The following LPIN1 variants were observed in gnomAD, a reference collection of about 807,000 sequenced individuals.
LPIN1 encodes phosphatidate phosphatase LPIN1.
LPIN1 carries 71 observed loss-of-function variants against 107.5 expected under a neutral mutation model. That is an observed-to-expected ratio of 0.66 (90% confidence interval 0.55 to 0.80). The LOEUF is 0.80. Among genes scored for constraint, LPIN1 ranks in the 30% least tolerant of loss-of-function variants. The pLI, the probability that LPIN1 is intolerant of heterozygous loss-of-function variation, is 0.00. For missense variants in LPIN1, 1,043 were observed against 1,160.6 expected (o/e 0.90, Z 1.47); for synonymous variants, 445 against 452.6 (o/e 0.98, Z 0.21).
intron 1 of LPIN1, among the ~76,000 whole-genome samples, chr2:11,679,114 A>T (rs766563476): frequency 6.6e-6 from 1 of 152,190 alleles, no homozygotes; most frequent in Non-Finnish European, 1.5e-5. Flanking sequence ...CTCTCTCGCC[A>T]GCCTGAGACG....
upstream of LPIN1, chr2:11,677,557 C>T (rs1383506645): frequency 1.0e-6 from 1 of 969,860 alleles, no homozygotes; most frequent in African/African-American, 1.6e-5. Flanking sequence ...GTCACCCAGC[C>T]CAGCCTCCCA....
intron 1 of LPIN1, among the ~76,000 whole-genome samples, chr2:11,680,825 C>T (rs1362090965): frequency 6.6e-6 from 1 of 152,138 alleles, no homozygotes; most frequent in African/African-American, 2.4e-5. Flanking sequence ...AGCAGGCAGT[C>T]ACGGGCCGAA....
At chr2:11,724,282 G>A, upstream of LPIN1, 2 of 914,602 alleles carry the variant, frequency 2.2e-6, no homozygotes, top group South Asian at 1.0e-4. Flanking sequence ...AGTCCCCGTG[G>A]GGGGCATCAG....
chr2:11,680,760 G>T (rs1204146890), intron 1 of LPIN1, among the ~76,000 whole-genome samples: 3 of 152,220 alleles, frequency 2.0e-5, no homozygotes, highest in South Asian at 2.1e-4. Flanking sequence ...TTTTTTCTTA[G>T]TTGGGGTGTG....
chr2:11,744,738 C>A (rs890615383), upstream of LPIN1, among the ~76,000 whole-genome samples: 1 of 152,232 alleles, frequency 6.6e-6, no homozygotes, highest in Non-Finnish European at 1.5e-5. Context: ...CAGGCCAGCT[C>A]CTCCCTGGAG....
intron 1 of LPIN1, chr2:11,740,929 C>G (rs1256462772): frequency 2.5e-5 from 4 of 157,320 alleles, no homozygotes; most frequent in Non-Finnish European, 4.2e-5. Flanking sequence ...CAAGCAGTGT[C>G]CAACAGGTTG....
At chr2:11,729,197 T>C (rs975654861) in intron 1 of LPIN1, among the ~76,000 whole-genome samples, 1 of 152,154 alleles carries the variant, frequency 6.6e-6, no homozygotes, top group Non-Finnish European at 1.5e-5. Context: ...ACTTAATGCA[T>C]GTGGGGCTTA....
rs775121925 is a variant in LPIN1 at position 11,788,398 on chromosome 2, G to C, written c.1655G>C (p.Trp552Ser). ...VVKIGSKYYN[W>S]TTAAPLLLAM... ...TTGTTTTGTGTTAGATATTATAACT[G>C]GACAACAGCAGCACCCCTCCTCCTG... Residue 552 changes from tryptophan to serine, a missense_variant, in exon 12 of 21, where the codon TGG becomes TCG. Trp to Ser is a radical substitution (Grantham distance 177, BLOSUM62 -3). Coordinates refer to ENST00000674199, the MANE Select transcript of LPIN1 (RefSeq NM_001349206.2). 1 of 1,613,392 alleles carries C rather than the reference G, an allele frequency of 6.2e-7. No homozygotes were observed. Among genetic ancestry groups the C allele is most frequent in the Admixed American group, 1.7e-5 (1 of 60,018 alleles).
At chr2:11,760,331 G>A (rs1395573352) in intron 1 of LPIN1, among the ~76,000 whole-genome samples, 2 of 152,168 alleles carry the variant, frequency 1.3e-5, no homozygotes, top group African/African-American at 4.8e-5. Context: ...CAAGGCAGGC[G>A]GCTGGGAGGT....
At chr2:11,763,734 C>T (rs1670232439) in intron 1 of LPIN1, among the ~76,000 whole-genome samples, 4 of 151,978 alleles carry the variant, frequency 2.6e-5, no homozygotes, top group Admixed American at 2.6e-4. Context: ...CCCTAGTGCA[C>T]ATTCTGTGTT....
chr2:11,750,725 CAG>C (rs893830948), intron 1 of LPIN1, among the ~76,000 whole-genome samples: 7 of 152,182 alleles, frequency 4.6e-5, no homozygotes, highest in African/African-American at 1.7e-4. Flanking sequence ...TCTTTGATCA[CAG>C]AGTTAGTGGA....
At chr2:11,767,669 T>C (rs1671139081) in intron 2 of LPIN1, 94 bp from the exon 3 acceptor site, 2 of 799,436 alleles carry the variant, frequency 2.5e-6, no homozygotes. Flanking sequence ...GTGTATGCGA[T>C]GATAGCGTAT....
rs550878909 is a variant in LPIN1 at position 11,706,336 on chromosome 2, A to G, written c.82-7420A>G. 6.6e-5 allele frequency among the ~76,000 whole-genome samples: 10 copies of G among 152,326 alleles called. No individual in the cohort carries two copies. The South Asian group carries it at 1.0e-3, about 16-fold the overall frequency. ...AGGCAGGCAGAATAGTGGTCCCCCA[A>G]AGATGCCCCATCCTCATCCTTGGAA... On this transcript the variant is annotated intron_variant, in intron 1 of 21. Coordinates refer to the LPIN1 transcript ENST00000449576.
At chr2:11,757,171 G>C (rs1668811384) in intron 1 of LPIN1, among the ~76,000 whole-genome samples, 2 of 152,226 alleles carry the variant, frequency 1.3e-5, no homozygotes, top group Admixed American at 6.5e-5. Flanking sequence ...ATTTGGTATG[G>C]GGTGAGTGAA....
At chr2:11,822,712 C>T (rs1681753333) in intron 20 of LPIN1, among the ~76,000 whole-genome samples, 4 of 152,174 alleles carry the variant, frequency 2.6e-5, no homozygotes, top group Admixed American at 2.6e-4. Flanking sequence ...GGTGGGGACA[C>T]AGCCAAACCA....
rs1367028833 is a variant in LPIN1 at position 11,785,096 on chromosome 2, G to T, written c.1549+20G>T. ...CGAAAGGTACCGCGGGCCTCGCGCG[G>T]GCGCCCTCTGGTGGCCGCCGGTCAG... On this transcript the variant is annotated intron_variant, in intron 10 of 20. Coordinates refer to ENST00000674199, the MANE Select transcript of LPIN1 (RefSeq NM_001349206.2). 1 of 1,525,462 alleles carries T rather than the reference G, an allele frequency of 6.6e-7. No homozygotes were observed. The highest frequency in any genetic ancestry group is 8.8e-7 in the Non-Finnish European group (1 of 1,141,082). 94.5% of individuals were successfully genotyped at this position (1,525,462 alleles called of 1,614,324 possible). A position where few individuals can be genotyped will look rare whatever the true frequency, so the allele number is the denominator to read the frequency against.
chr2:11,822,710 C>T (rs1681752780), intron 20 of LPIN1, among the ~76,000 whole-genome samples: 1 of 152,130 alleles, frequency 6.6e-6, no homozygotes, highest in Non-Finnish European at 1.5e-5. Context: ...TGGGTGGGGA[C>T]ACAGCCAAAC....
At chr2:11,686,704 G>C (rs1457523908) in intron 1 of LPIN1, among the ~76,000 whole-genome samples, 1 of 152,152 alleles carries the variant, frequency 6.6e-6, no homozygotes, top group Non-Finnish European at 1.5e-5. Flanking sequence ...TGTTCCGAGG[G>C]GGTCTGACGC....
rs192057150 is a variant in LPIN1, at chr2:11,702,473, G to T, written c.82-11283G>T. On this transcript the variant is annotated intron_variant, in intron 1 of 21. Transcript: ENST00000449576. The stretch of plus-strand genomic sequence containing the variant: ...ACAGACAAGGCCTGGCCCTGGGAAG[G>T]TCTGCAGGCCAGCCACACCCTGGAT... Among the ~76,000 whole-genome samples, 419 of 152,266 alleles carry T rather than the reference G, an allele frequency of 2.8e-3. 4 individuals are homozygous for T. Among genetic ancestry groups the T allele is most frequent in the African/African-American group, 9.1e-3 (377 of 41,528 alleles).
Sources: allele counts gnomAD v4.1 joint callset (sites outside exome capture counted in the v4.1 genomes callset), GRCh38; gene constraint gnomAD v4.1.1; transcripts MANE v1.5; gene names NCBI Gene and HGNC (gene_info 2026-07-23, HGNC 2026-07-21).